The following NUP133 variants were observed in gnomAD, a reference collection of about 807,000 sequenced individuals.
NUP133 encodes nucleoporin 133.
A neutral mutation model predicts 146.2 loss-of-function variants in NUP133; 66 were observed. The ratio of observed to expected loss-of-function variants is 0.45; its 90% CI spans 0.37 to 0.55. NUP133 has a LOEUF of 0.55. NUP133 is among the 20% of genes least tolerant of loss of function. The pLI is 0.00. For missense variants in NUP133, 1,277 were observed against 1,374.8 expected (o/e 0.93, Z 1.12); for synonymous variants, 521 against 498.8 (o/e 1.04, Z -0.59).
At chr1:229,477,225 G>C (rs752371550) in intron 13 of NUP133, among the ~76,000 whole-genome samples, 2 of 152,040 alleles carry the variant, frequency 1.3e-5, no homozygotes, top group Non-Finnish European at 2.9e-5. Flanking sequence ...GGATCACGAG[G>C]TCAGGAGATC....
At chr1:229,475,098 C>CAATAAATA (rs541499624) in intron 14 of NUP133, among the ~76,000 whole-genome samples, 4 of 151,288 alleles carry the variant, frequency 2.6e-5, no homozygotes, top group African/African-American at 7.3e-5. Context: ...TGCCCTGTCT[C>CAATAAATA]AATAAATAAA....
intron 23 of NUP133, 48 bp from the exon 24 acceptor site, chr1:229,449,238 GAAAT>G: frequency 8.3e-7 from 1 of 1,210,432 alleles, no homozygotes; most frequent in Non-Finnish European, 1.2e-6. Flanking sequence ...GGCTCTGAAA[GAAAT>G]ACATGCCTAA....
intron 12 of NUP133, among the ~76,000 whole-genome samples, chr1:229,478,588 A>C (rs1661134472): frequency 6.6e-6 from 1 of 152,208 alleles, no homozygotes; most frequent in African/African-American, 2.4e-5. Context: ...AAAAACTTGC[A>C]GGATAACCAA....
chr1:229,476,062 T>C (rs1364366812), intron 13 of NUP133, among the ~76,000 whole-genome samples: 1 of 151,630 alleles, frequency 6.6e-6, no homozygotes, highest in Non-Finnish European at 1.5e-5. Flanking sequence ...TGAGCCGAGA[T>C]TGCGCCACTG....
intron 8 of NUP133, among the ~76,000 whole-genome samples, chr1:229,492,508 G>A (rs1661552877): frequency 6.6e-6 from 1 of 152,078 alleles, no homozygotes; most frequent in Admixed American, 6.6e-5. Flanking sequence ...GTAACTAAAT[G>A]ACATGACACT....
chr1:229,483,340 A>T (rs1309389607), intron 12 of NUP133, among the ~76,000 whole-genome samples: 3 of 152,066 alleles, frequency 2.0e-5, no homozygotes, highest in Non-Finnish European at 4.4e-5. Context: ...GGCTCAAGAG[A>T]TCCTTCTGCC....
In NUP133 at chr1:229,471,979, T is replaced by C. The variant is rs575359304; in HGVS notation, c.1852-1175A>G. On this transcript the variant is annotated intron_variant, in intron 14 of 25. Transcript: ENST00000261396. The stretch of plus-strand genomic sequence containing the variant: ...TTATTATTTTAAAATAAGAGTTACA[T>C]GGTCTTTCCTGACTTGAATTTATTT... Among the ~76,000 whole-genome samples the C allele has an allele frequency of 2.1e-4, 32 of 152,350 alleles. 1 individual carries two copies. The highest frequency in any genetic ancestry group is 7.2e-4 in the African/African-American group (30 of 41,594).
chr1:229,449,391 G>A (rs569426039), intron 23 of NUP133, among the ~76,000 whole-genome samples: 178 of 144,086 alleles, frequency 1.2e-3, no homozygotes, highest in African/African-American at 4.3e-3. Context: ...TTTTTGAGAC[G>A]GAGTCTCGCT....
Position 229,503,932 on chromosome 1 carries a change from A to G in NUP133, c.302-1830T>C, listed in dbSNP as rs563744780. Reference sequence around the variant, plus strand: ...ATGAGTAGTACATTAAAAGGTTTAAATGTAAACTGAAATTTTTAGAGGGGA... The same window carrying G: ...ATGAGTAGTACATTAAAAGGTTTAAGTGTAAACTGAAATTTTTAGAGGGGA... On this transcript the variant is annotated intron_variant, in intron 2 of 25. Transcript: ENST00000261396. Among the ~76,000 whole-genome samples, 4 of 152,248 alleles carry G rather than the reference A, an allele frequency of 2.6e-5. No homozygotes were observed. The East Asian group carries it at 5.8e-4, about 22-fold the overall frequency.
At chr1:229,470,191 T>C (rs781154611) in intron 15 of NUP133, among the ~76,000 whole-genome samples, 13 of 149,680 alleles carry the variant, frequency 8.7e-5, no homozygotes, top group Non-Finnish European at 1.5e-4. Flanking sequence ...ATATGAAAAT[T>C]AGCCGGGGTG....
At chr1:229,491,577 G>C (rs1558105528) in intron 8 of NUP133, among the ~76,000 whole-genome samples, 1 of 152,110 alleles carries the variant, frequency 6.6e-6, no homozygotes, top group Non-Finnish European at 1.5e-5. Flanking sequence ...CCAGGAATTC[G>C]AGACCAGCCT....
chr1:229,459,668 C>T (rs1660649377), intron 20 of NUP133, among the ~76,000 whole-genome samples: 1 of 152,206 alleles, frequency 6.6e-6, no homozygotes, highest in Admixed American at 6.5e-5. Context: ...CCAGCTTCAT[C>T]AATGCTGTTG....
intron 10 of NUP133, 88 bp from the exon 11 acceptor site, chr1:229,486,616 T>A: frequency 7.9e-7 from 1 of 1,268,112 alleles, no homozygotes; most frequent in Non-Finnish European, 1.1e-6. Context: ...GAAAATCATC[T>A]TGATGATATA....
At chr1:229,488,737 G>A (rs1313639779) in intron 9 of NUP133, among the ~76,000 whole-genome samples, 2 of 151,488 alleles carry the variant, frequency 1.3e-5, no homozygotes, top group Non-Finnish European at 2.9e-5. Context: ...TGTAATCCCA[G>A]CTACCTGAGA....
At position 229,447,120 on chromosome 1, in the gene NUP133, A is replaced by G. The variant is rs1660319379; in HGVS notation, c.3245+2006T>C. ...GCCTGGGCAACAAGAGTGAAACTCC[A>G]TCACAAAAAAAGAAAGAAAATAAGG... On this transcript the variant is annotated intron_variant, in intron 24 of 25. Coordinates refer to ENST00000261396, the MANE Select transcript of NUP133 (RefSeq NM_018230.3). Among the ~76,000 whole-genome samples, 4 of 152,298 alleles carry G rather than the reference A, an allele frequency of 2.6e-5. No individual in the cohort carries two copies. The South Asian group carries it at 8.3e-4, about 32-fold the overall frequency.
chr1:229,503,977 CAATA>C (rs941516330), intron 2 of NUP133, among the ~76,000 whole-genome samples: 1 of 141,652 alleles, frequency 7.1e-6, no homozygotes, highest in African/African-American at 2.7e-5. Context: ...ACATATATAC[CAATA>C]TATATATATA....
At chr1:229,475,763 A>G in intron 13 of NUP133, 31 bp from the exon 14 acceptor site, 1 of 1,532,366 alleles carries the variant, frequency 6.5e-7, no homozygotes, top group African/African-American at 1.4e-5. Context: ...AACTTAGAAC[A>G]TAGTGGTTTT....
intron 15 of NUP133, among the ~76,000 whole-genome samples, chr1:229,468,175 CTG>C (rs977174232): frequency 3.0e-4 from 45 of 152,216 alleles, no homozygotes; most frequent in Middle Eastern, 6.8e-3. Context: ...TCAGGCAGCT[CTG>C]TATTGTTTTA....
At chr1:229,470,525 A>G (rs1268577433) in intron 15 of NUP133, 55 bp downstream of exon 15, 4 of 1,394,790 alleles carry the variant, frequency 2.9e-6, no homozygotes. Context: ...TGCCTAGGGC[A>G]TGATCACTAA....
Sources: allele counts gnomAD v4.1 joint callset (sites outside exome capture counted in the v4.1 genomes callset), GRCh38; gene constraint gnomAD v4.1.1; transcripts MANE v1.5; gene names NCBI Gene and HGNC (gene_info 2026-07-23, HGNC 2026-07-21).